The following DAB2 variants were observed in gnomAD, a reference collection of about 807,000 sequenced individuals.
DAB2 encodes the protein disabled homolog 2.
DAB2 carries 28 observed loss-of-function variants against 71.6 expected under a neutral mutation model. The observed-to-expected ratio is 0.39, with a 90% confidence interval of 0.29 to 0.54. The LOEUF is 0.54. Ranked by LOEUF, DAB2 falls within the 20% of genes least tolerant of loss-of-function variation. The pLI, the probability that DAB2 is intolerant of heterozygous loss-of-function variation, is 0.68. For synonymous variants in DAB2, 345 were observed against 339.7 expected, an observed-to-expected ratio of 1.02 and a Z score of -0.17; for missense variants, 867 against 928.8, an observed-to-expected ratio of 0.93 and a Z score of 0.86.
chr5:39,375,939 G>T, intron 13 of DAB2, 58 bp downstream of exon 13: 1 of 1,240,628 alleles, frequency 8.1e-7, no homozygotes, highest in Non-Finnish European at 1.2e-6. Context: ...TAATTCAGGA[G>T]GCTGGAGCTC....
intron 1 of DAB2, among the ~76,000 whole-genome samples, chr5:39,411,849 T>C (rs1485621224): frequency 1.3e-5 from 2 of 152,184 alleles, no homozygotes; most frequent in Non-Finnish European, 2.9e-5. Flanking sequence ...ACAGTTGCAG[T>C]GTTTTTTTAA....
At chr5:39,399,108 G>A (rs1755442051) in intron 1 of DAB2, among the ~76,000 whole-genome samples, 1 of 152,162 alleles carries the variant, frequency 6.6e-6, no homozygotes, top group African/African-American at 2.4e-5. Context: ...GTTAAGCAAT[G>A]GGGTCTGTTT....
intron 1 of DAB2, among the ~76,000 whole-genome samples, chr5:39,400,112 G>T (rs148931894): frequency 2.4e-3 from 372 of 152,294 alleles, no homozygotes; most frequent in Admixed American, 6.1e-3. Context: ...CTTAGTGGTA[G>T]CCCCATTCAA....
chr5:39,376,149 C>T, intron 12 of DAB2, 43 bp from the exon 13 acceptor site: 1 of 1,476,234 alleles, frequency 6.8e-7, no homozygotes, highest in Non-Finnish European at 9.5e-7. Context: ...CAAGCTTTCC[C>T]CAAATATAGG....
intron 1 of DAB2, among the ~76,000 whole-genome samples, chr5:39,410,972 T>A (rs1755714051): frequency 6.6e-6 from 1 of 152,050 alleles, no homozygotes; most frequent in African/African-American, 2.4e-5. Context: ...AGGCAAAAGG[T>A]TGGTTAAAAA....
intron 3 of DAB2, among the ~76,000 whole-genome samples, chr5:39,392,917 G>A (rs1030867236): frequency 3.3e-5 from 5 of 152,162 alleles, no homozygotes; most frequent in African/African-American, 7.2e-5. Flanking sequence ...AGGATATTCC[G>A]TGCTCTCCAC....
chr5:39,414,646 C>A (rs2112105843), intron 1 of DAB2, among the ~76,000 whole-genome samples: 1 of 151,186 alleles, frequency 6.6e-6, no homozygotes, highest in South Asian at 2.1e-4. Context: ...TTCCTCAGGC[C>A]CTGAGCAGAT....
At chr5:39,424,716 G>C (rs1756065474) in intron 1 of DAB2, 88 bp downstream of exon 1, 1 of 151,230 alleles carries the variant, frequency 6.6e-6, no homozygotes. Flanking sequence ...CGGGGGGCGG[G>C]GGGGTGAGAG....
chr5:39,382,681 G>A lies in DAB2; in HGVS notation c.1278C>T (p.Asp426=). The A allele has an allele frequency of 6.2e-7, 1 of 1,614,174 alleles. No individual in the cohort carries two copies. Among genetic ancestry groups the A allele is most frequent in the Non-Finnish European group, 8.5e-7 (1 of 1,180,006 alleles). The change falls in exon 10 of 15, where the codon GAC becomes GAT. Residue 426 remains aspartate, a synonymous_variant. Transcript: ENST00000320816. ...LESSVQSSPH[D]SIAIIPPPQS... ...GTGGAGGTGGGATAATGGCTATGGA[G>A]TCATGTGGTGAGGACTGGACAGAGC...
intron 1 of DAB2, among the ~76,000 whole-genome samples, chr5:39,412,844 C>T (rs1377120810): frequency 6.6e-6 from 1 of 152,090 alleles, no homozygotes; most frequent in Non-Finnish European, 1.5e-5. Context: ...CTTTGCTTTA[C>T]AACAAAAGAG....
At position 39,372,115 on chromosome 5, in the gene DAB2, C is replaced by T. The variant is rs1446545546; in HGVS notation, c.*1316G>A. The T allele has an allele frequency of 6.6e-6, 1 of 152,048 alleles. No individual in the cohort carries two copies. Among genetic ancestry groups the T allele is most frequent in the African/African-American group, 2.4e-5 (1 of 41,394 alleles). 9.4% of individuals were successfully genotyped at this position (152,048 alleles called of 1,614,324 possible). On this transcript the variant is annotated 3_prime_UTR_variant, in exon 15 of 15. Coordinates refer to ENST00000320816, the MANE Select transcript of DAB2 (RefSeq NM_001343.4). The stretch of plus-strand genomic sequence containing the variant: ...AGGGTCAAGAGACAACATTAAAAAC[C>T]CAACATAAACAAAACAAAACAAAAC...
At position 39,376,898 on chromosome 5, in the gene DAB2, T is replaced by C. The variant is rs374143165; in HGVS notation, c.1889A>G (p.Lys630Arg). Reference sequence around the variant, plus strand: ...AGTGAAGGCATCACTGGAGATGTCCTTGGGAGGGCCAGCTCTGGGAGGTGG... The same window carrying C: ...AGTGAAGGCATCACTGGAGATGTCCCTGGGAGGGCCAGCTCTGGGAGGTGG... The part of the protein sequence containing the change: ...PQPPPRAGPP[K>R]DISSDAFTAL... The change falls in exon 12 of 15, where the codon AAG becomes AGG. Residue 630 changes from lysine to arginine, a missense_variant. This residue lies in a region of DAB2 where 740 missense variants were observed against 734.3 expected (regional missense o/e 1.01). Coordinates refer to ENST00000320816, the MANE Select transcript of DAB2 (RefSeq NM_001343.4). The C allele has an allele frequency of 6.2e-7, 1 of 1,614,070 alleles. No homozygotes were observed. The highest frequency in any genetic ancestry group is 1.1e-5 in the South Asian group (1 of 91,078).
intron 1 of DAB2, among the ~76,000 whole-genome samples, chr5:39,404,016 C>T (rs529678127): frequency 1.3e-5 from 2 of 152,030 alleles, no homozygotes; most frequent in East Asian, 3.9e-4. Context: ...TTTCTTAATC[C>T]AGTCTATCAT....
At chr5:39,406,197 T>A (rs935363460) in intron 1 of DAB2, among the ~76,000 whole-genome samples, 5 of 152,094 alleles carry the variant, frequency 3.3e-5, no homozygotes, top group African/African-American at 1.2e-4. Context: ...CAGTCTTAAC[T>A]AAAGACCTGG....
intron 1 of DAB2, among the ~76,000 whole-genome samples, chr5:39,413,773 A>G (rs1755784233): frequency 6.6e-6 from 1 of 152,226 alleles, no homozygotes; most frequent in African/African-American, 2.4e-5. Context: ...CTGTATTTTA[A>G]AAATTAAATT....
At chr5:39,396,025 C>T (rs113165380) in intron 1 of DAB2, among the ~76,000 whole-genome samples, 2 of 144,984 alleles carry the variant, frequency 1.4e-5, no homozygotes, top group Non-Finnish European at 3.0e-5. Flanking sequence ...CCACTGCAAC[C>T]TCCACCTCCC....
intron 1 of DAB2, among the ~76,000 whole-genome samples, chr5:39,409,133 A>T (rs1351495181): frequency 1.3e-5 from 2 of 149,246 alleles, no homozygotes; most frequent in South Asian, 2.1e-4. Context: ...ATGATTATTA[A>T]AAAAAAAAAA....
intron 2 of DAB2, 41 bp downstream of exon 2, chr5:39,394,189 C>A (rs1755301645): frequency 2.0e-6 from 3 of 1,514,002 alleles, no homozygotes; most frequent in Admixed American, 3.3e-5. Flanking sequence ...GGGTAACCAT[C>A]TCTAGCTCCC....
In DAB2 at chr5:39,422,887, CTT is replaced by C. The variant is rs1756022349; in HGVS notation, c.-102+1915_-102+1916del. The stretch of plus-strand genomic sequence containing the variant: ...CAGTTTAATCTGAAACTATAAAAGT[CTT>C]TAGCAGAAACACAAACTCTGGAGTT... On this transcript the variant is annotated intron_variant, in intron 1 of 14. Coordinates refer to ENST00000320816, the MANE Select transcript of DAB2 (RefSeq NM_001343.4). The surrounding 1 kb of genome is among the most constrained non-coding windows in gnomAD (Gnocchi z 4.1). Among the ~76,000 whole-genome samples the C allele has an allele frequency of 6.6e-6, 1 of 152,170 alleles. No homozygotes were observed.
Sources: gnomAD v4.1 joint callset for allele counts (sites outside exome capture counted in the v4.1 genomes callset) on GRCh38, gnomAD v4.1.1 for gene constraint, gnomAD v4.1.1 regional missense constraint, Gnocchi (gnomAD v3.1) non-coding constraint, MANE v1.5 for transcripts, NCBI Gene and HGNC (gene_info 2026-07-23, HGNC 2026-07-21) for gene names.